LRRC17: variants seen among roughly 807,000 people sequenced by gnomAD.
LRRC17 encodes the protein leucine rich repeat containing 17.
Under a neutral mutation model 41.5 loss-of-function variants are expected in LRRC17, and 33 were observed. The observed-to-expected ratio is 0.80, with a 90% CI of 0.60 to 1.06. LRRC17 has a LOEUF of 1.06. Ranked by LOEUF, LRRC17 falls within the 50% of genes least tolerant of loss-of-function variation. The pLI is 0.00. For missense variants in LRRC17, 491 were observed against 519.3 expected, an observed-to-expected ratio of 0.95 and a Z score of 0.53; for synonymous variants, 192 against 197.0, an observed-to-expected ratio of 0.97 and a Z score of 0.21.
intron 1 of LRRC17, among the ~76,000 whole-genome samples, chr7:102,924,570 A>T (rs1817689805): frequency 6.6e-6 from 1 of 151,944 alleles, no homozygotes; most frequent in South Asian, 2.1e-4. Context: ...TTAGGCTGGT[A>T]CATTTGCAGA....
chr7:102,934,231 G>T lies in LRRC17; in HGVS notation c.318G>T (p.Lys106Asn), dbSNP rs1253743844. 6.2e-7 allele frequency: 1 copy of T among 1,614,206 alleles called. No individual in the cohort carries two copies. The highest frequency in any genetic ancestry group is 2.2e-5 in the East Asian group (1 of 44,888). ...ACAACATGTTTTCCAAGTTTAAAAA[G>T]CTGAAAAGCCTGGATCTGCAGCAGA... is the stretch of plus-strand genomic sequence containing the variant. ...LKNNMFSKFK[K>N]LKSLDLQQNE... is the part of the protein sequence containing the mutation. Residue 106 changes from lysine (K) to asparagine (N), a missense_variant, in exon 2 of 4, where the codon AAG becomes AAT. Physicochemically the swap from Lys to Asn is moderately conservative, Grantham distance 94 (BLOSUM62 0). Coordinates refer to ENST00000339431, the MANE Select transcript of LRRC17 (RefSeq NM_001031692.3).
chr7:102,924,961 T>C (rs1245439758), intron 1 of LRRC17, among the ~76,000 whole-genome samples: 2 of 152,194 alleles, frequency 1.3e-5, no homozygotes, highest in Non-Finnish European at 2.9e-5. Context: ...TCATCACCGT[T>C]ATTTTTCAAA....
Position 102,941,570 on chromosome 7 carries a change from C to T in LRRC17, c.928+1985C>T, listed in dbSNP as rs182328379. Among the ~76,000 whole-genome samples, 19 of 152,224 alleles carry T rather than the reference C, an allele frequency of 1.2e-4. No homozygotes were observed. In the East Asian group the frequency reaches 3.5e-3, roughly 28 times the overall value. On this transcript the variant is annotated intron_variant, in intron 3 of 3. Coordinates refer to ENST00000339431, the MANE Select transcript of LRRC17 (RefSeq NM_001031692.3). ...CAATTCCCCTGTCTTGATAAATAGACTCTGTCTAGGCAGCGGGCAAGGTGA... is the reference window on the plus strand; with the variant it reads ...CAATTCCCCTGTCTTGATAAATAGATTCTGTCTAGGCAGCGGGCAAGGTGA...
chr7:102,917,494 C>T (rs1816136606), intron 1 of LRRC17, among the ~76,000 whole-genome samples: 1 of 152,122 alleles, frequency 6.6e-6, no homozygotes. Context: ...AAGGAAAAAT[C>T]ACTGCAGACT....
At chr7:102,929,278 C>T (rs182542877) in intron 1 of LRRC17, among the ~76,000 whole-genome samples, 67 of 152,186 alleles carry the variant, frequency 4.4e-4, no homozygotes, top group African/African-American at 1.4e-3. Context: ...AGTTCTAAAA[C>T]GGGAGATACA....
At chr7:102,914,570 A>C (rs1815444763) in intron 1 of LRRC17, among the ~76,000 whole-genome samples, 1 of 152,266 alleles carries the variant, frequency 6.6e-6, no homozygotes, top group Non-Finnish European at 1.5e-5. Context: ...ATAAATGGGA[A>C]ATAAGATATA....
At chr7:102,938,525 C>T (rs186932040) in intron 2 of LRRC17, among the ~76,000 whole-genome samples, 244 of 152,218 alleles carry the variant, frequency 1.6e-3, no homozygotes, top group Non-Finnish European at 2.9e-3. Context: ...AAGGAGCAAG[C>T]TTGTAAGGGG....
In LRRC17 at chr7:102,944,371, T is replaced by C. The variant is rs1822059236; in HGVS notation, c.1090T>C (p.Trp364Arg). The C allele has an allele frequency of 6.2e-7, 1 of 1,614,112 alleles. No individual in the cohort carries two copies. Among genetic ancestry groups the C allele is most frequent in the Non-Finnish European group, 8.5e-7 (1 of 1,179,968 alleles). Reference protein sequence around the residue: ...CDYNIHYLYYWLKHHYNVHFN... With the variant: ...CDYNIHYLYYRLKHHYNVHFN... Reference sequence around the variant, plus strand: ...CTACAACATTCACTACCTCTACTACTGGTTAAAGCACCACTACAATGTCCA... The same window carrying C: ...CTACAACATTCACTACCTCTACTACCGGTTAAAGCACCACTACAATGTCCA... The change falls in exon 4 of 4, where the codon TGG becomes CGG. Residue 364 changes from tryptophan to arginine, a missense_variant. By Grantham distance (101) the Trp-to-Arg change is moderately radical. Coordinates refer to ENST00000339431, the MANE Select transcript of LRRC17 (RefSeq NM_001031692.3).
intron 1 of LRRC17, among the ~76,000 whole-genome samples, chr7:102,919,181 A>G (rs1480984919): frequency 1.3e-5 from 2 of 152,232 alleles, no homozygotes; most frequent in East Asian, 1.9e-4. Context: ...AGAAATCAGT[A>G]AACACTAGGA....
At chr7:102,918,340 G>A (rs2129469938) in intron 1 of LRRC17, among the ~76,000 whole-genome samples, 1 of 152,136 alleles carries the variant, frequency 6.6e-6, no homozygotes, top group East Asian at 1.9e-4. Flanking sequence ...TTCTTATTTT[G>A]GGTCCTACTT....
chr7:102,918,852 C>G (rs1292004816), intron 1 of LRRC17, among the ~76,000 whole-genome samples: 1 of 152,128 alleles, frequency 6.6e-6, no homozygotes, highest in Non-Finnish European at 1.5e-5. Context: ...TTATAATACT[C>G]TTTTTCTATG....
At chr7:102,931,133 A>G (rs1819093351) in intron 1 of LRRC17, among the ~76,000 whole-genome samples, 1 of 152,194 alleles carries the variant, frequency 6.6e-6, no homozygotes, top group Non-Finnish European at 1.5e-5. Flanking sequence ...GGAAAGCACC[A>G]CTTGGGGACA....
At chr7:102,924,672 C>T (rs1004193349) in intron 1 of LRRC17, among the ~76,000 whole-genome samples, 1 of 129,030 alleles carries the variant, frequency 7.8e-6, no homozygotes, top group African/African-American at 2.8e-5. Flanking sequence ...GATGGGGTCT[C>T]GCTCTGTCGC....
chr7:102,937,288 T>G (rs1419752801), intron 2 of LRRC17, among the ~76,000 whole-genome samples: 1 of 150,770 alleles, frequency 6.6e-6, no homozygotes, highest in Non-Finnish European at 1.5e-5. Context: ...ACACTTGAGG[T>G]CAGGAGTTCA....
chr7:102,914,886 C>T (rs933609245), intron 1 of LRRC17, among the ~76,000 whole-genome samples: 1 of 152,140 alleles, frequency 6.6e-6, no homozygotes, highest in Admixed American at 6.6e-5. Flanking sequence ...CCCTGTGATT[C>T]AACTGAGTAC....
At chr7:102,924,826 A>G (rs1584964624) in intron 1 of LRRC17, among the ~76,000 whole-genome samples, 1 of 151,808 alleles carries the variant, frequency 6.6e-6, no homozygotes, top group African/African-American at 2.4e-5. Context: ...ATTTTTTAGT[A>G]GAGACGGGGT....
At chr7:102,927,692 G>A (rs902018604) in intron 1 of LRRC17, among the ~76,000 whole-genome samples, 2 of 152,152 alleles carry the variant, frequency 1.3e-5, no homozygotes, top group African/African-American at 2.4e-5. Context: ...AGAGGCCAGT[G>A]CAGAGCTTTT....
At position 102,922,361 on chromosome 7, in the gene LRRC17, C is replaced by T. The variant is rs184855518; in HGVS notation, c.-141+9216C>T. On this transcript the variant is annotated intron_variant, in intron 1 of 3. Transcript: ENST00000339431. ...CATGACCATATTTTTTTTATTACTT[C>T]TAAAAGGAAAGAAATCAAATCATGC... Among the ~76,000 whole-genome samples, 568 of 151,782 alleles carry T rather than the reference C, an allele frequency of 3.7e-3. 5 individuals carry two copies. Among genetic ancestry groups the T allele is most frequent in the African/African-American group, 0.014 (561 of 41,442 alleles).
chr7:102,928,486 GA>G (rs1818545362), intron 1 of LRRC17, among the ~76,000 whole-genome samples: 1 of 152,120 alleles, frequency 6.6e-6, no homozygotes, highest in Non-Finnish European at 1.5e-5. Context: ...GTCTCAAAGG[GA>G]AAAACAATAG....
Sources: allele counts gnomAD v4.1 joint callset (sites outside exome capture counted in the v4.1 genomes callset), GRCh38; gene constraint gnomAD v4.1.1; transcripts MANE v1.5; gene names NCBI Gene and HGNC (gene_info 2026-07-23, HGNC 2026-07-21).